The following ATIC variants were observed in gnomAD, a reference collection of about 807,000 sequenced individuals.
The protein encoded by ATIC is bifunctional purine biosynthesis protein ATIC.
A neutral mutation model predicts 72.5 loss-of-function variants in ATIC; 64 were observed. The observed-to-expected ratio is 0.88, with a 90% CI of 0.72 to 1.09. The LOEUF (loss-of-function observed/expected upper bound fraction) is 1.09. Ranked by LOEUF, ATIC falls within the 50% of genes least tolerant of loss-of-function variation. ATIC has a pLI of 0.00. For synonymous variants in ATIC, 281 were observed against 267.1 expected, an observed-to-expected ratio of 1.05 and a Z score of -0.51; for missense variants, 787 against 732.4, an observed-to-expected ratio of 1.07 and a Z score of -0.86.
Position 215,323,327 on chromosome 2 carries a change from C to G in ATIC, c.291-1914C>G, listed in dbSNP as rs1430457579. On this transcript the variant is annotated intron_variant, in intron 4 of 15. Transcript: ENST00000236959. ...CACATGATTTTTAGAATCAGCTTGT[C>G]CATTTCTGCAAAACAACGCAGTTGG... Among the ~76,000 whole-genome samples the G allele has an allele frequency of 2.0e-5, 3 of 152,112 alleles. No individual in the cohort carries two copies. In the East Asian group the frequency reaches 5.8e-4, roughly 29 times the overall value.
chr2:215,361,490 A>G, the ATIC span: 3 of 1,154,972 alleles, frequency 2.6e-6, no homozygotes, highest in Non-Finnish European at 3.9e-6. Context: ...GTCTGCTAAC[A>G]TCACTCCAGT....
chr2:215,352,582 AAG>A (rs2053138571), downstream of ATIC, among the ~76,000 whole-genome samples: 1 of 94,074 alleles, frequency 1.1e-5, no homozygotes, highest in South Asian at 2.8e-4. Flanking sequence ...ACTCCATCTC[AAG>A]AAAAAAAAAA....
chr2:215,333,674 TATTTA>T (rs1226758235), intron 9 of ATIC, among the ~76,000 whole-genome samples: 2 of 152,220 alleles, frequency 1.3e-5, no homozygotes, highest in East Asian at 3.8e-4. Context: ...TAGGATTTCC[TATTTA>T]ATTTGTTTTA....
At chr2:215,347,341 G>T in intron 14 of ATIC, 1 of 366,680 alleles carries the variant, frequency 2.7e-6, no homozygotes, top group Non-Finnish European at 5.3e-6. Flanking sequence ...ATTGCCTGAC[G>T]GCAGGTAACC....
At chr2:215,322,791 T>C (rs1039533190) in intron 4 of ATIC, among the ~76,000 whole-genome samples, 1 of 152,192 alleles carries the variant, frequency 6.6e-6, no homozygotes, top group Non-Finnish European at 1.5e-5. Flanking sequence ...GAAAAGACTG[T>C]TCTTTGCCCA....
At chr2:215,368,161 C>G in the ATIC span, 18 of 981,544 alleles carry the variant, frequency 1.8e-5, no homozygotes, top group African/African-American at 2.6e-4. Context: ...AGGCATTCAT[C>G]TGTTCTATCA....
rs987747093 is a variant in ATIC at position 215,328,534 on chromosome 2, CT to C, written c.688+1558del. On this transcript the variant is annotated intron_variant, in intron 7 of 15. Coordinates refer to ENST00000236959, the MANE Select transcript of ATIC (RefSeq NM_004044.7). ...CTCCTTGTCCCCTTCACCCAGAATT[CT>C]TCCCTCTGCCCTTCACCGTCCTGGT... 2.0e-4 allele frequency among the ~76,000 whole-genome samples: 30 copies of C among 152,210 alleles called. No individual in the cohort carries two copies. In the South Asian group the frequency reaches 4.8e-3, roughly 24 times the overall value.
Position 215,349,659 on chromosome 2 carries a change from T to C in ATIC, c.*4T>C. The C allele has an allele frequency of 6.2e-7, 1 of 1,614,210 alleles. No homozygotes were observed. Among genetic ancestry groups the C allele is most frequent in the Non-Finnish European group, 8.5e-7 (1 of 1,180,038 alleles). On this transcript the variant is annotated 3_prime_UTR_variant, in exon 16 of 16. Coordinates refer to ENST00000236959, the MANE Select transcript of ATIC (RefSeq NM_004044.7). ...CCTTCGGCTCTTCCACCACTGATTT[T>C]ACCACACACTGTTTTTTGGCTTGCT...
At chr2:215,338,733 A>G in intron 11 of ATIC, 46 bp from the exon 12 acceptor site, 1 of 1,584,378 alleles carries the variant, frequency 6.3e-7, no homozygotes, top group African/African-American at 1.4e-5. Context: ...GAAAAATTTG[A>G]GGGAAGTGGA....
chr2:215,358,031 A>G, the ATIC span, among the ~76,000 whole-genome samples: 1 of 152,196 alleles, frequency 6.6e-6, no homozygotes, highest in Non-Finnish European at 1.5e-5. Flanking sequence ...TAGAAATGGA[A>G]TAGAAGTTTC....
chr2:215,326,992 G>A lies in ATIC; in HGVS notation c.688+14G>A, dbSNP rs745956557. On this transcript the variant is annotated intron_variant, in intron 7 of 15. Transcript: ENST00000236959. ...TTCCCATCACAGGTAAAGCCCGAGC[G>A]TTCTGTGGCATGGTTTGCTGTGCCT... is the stretch of plus-strand genomic sequence containing the variant. 15 of 1,614,132 alleles carry A rather than the reference G, an allele frequency of 9.3e-6. No individual in the cohort carries two copies. Among genetic ancestry groups the A allele is most frequent in the South Asian group, 2.2e-5 (2 of 91,074 alleles).
At chr2:215,360,043 A>T in the ATIC span, among the ~76,000 whole-genome samples, 8 of 152,138 alleles carry the variant, frequency 5.3e-5, no homozygotes, top group African/African-American at 1.7e-4. Context: ...GGTTCAAGCC[A>T]TTCTCCTACC....
At chr2:215,361,811 CTT>C in the ATIC span, 17 of 611,820 alleles carry the variant, frequency 2.8e-5, no homozygotes, top group African/African-American at 2.2e-4. Context: ...TAAATTATAA[CTT>C]AAACTATATT....
chr2:215,333,210 A>T (rs2052914948), intron 8 of ATIC, 140 bp from the exon 9 acceptor site: 2 of 728,494 alleles, frequency 2.7e-6, no homozygotes, highest in Non-Finnish European at 4.9e-6. Context: ...TATCTGGCTA[A>T]ATAGATTTCT....
At chr2:215,358,905 C>G in the ATIC span, among the ~76,000 whole-genome samples, 1 of 152,176 alleles carries the variant, frequency 6.6e-6, no homozygotes. Context: ...ATTTTTGAGA[C>G]GAAGTCTCAC....
chr2:215,366,518 A>G, the ATIC span, among the ~76,000 whole-genome samples: 1 of 152,236 alleles, frequency 6.6e-6, no homozygotes, highest in Admixed American at 6.5e-5. Flanking sequence ...ACATCAAATA[A>G]GTCTGGTTCT....
chr2:215,314,521 A>G (rs1394244617), intron 2 of ATIC, among the ~76,000 whole-genome samples: 1 of 151,610 alleles, frequency 6.6e-6, no homozygotes, highest in Non-Finnish European at 1.5e-5. Context: ...TCTCTGAGAT[A>G]GAGTTTCACT....
chr2:215,333,479 G>C (rs1253620081), intron 9 of ATIC, 22 bp downstream of exon 9: 1 of 1,592,754 alleles, frequency 6.3e-7, no homozygotes, highest in Non-Finnish European at 8.6e-7. Context: ...AGGGCTTTTT[G>C]ATTTGGGGGA....
chr2:215,323,533 A>G (rs1575115736), intron 4 of ATIC, among the ~76,000 whole-genome samples: 1 of 152,126 alleles, frequency 6.6e-6, no homozygotes, highest in African/African-American at 2.4e-5. Flanking sequence ...TTTTAATACA[A>G]TTGATTTTTA....
Sources: gnomAD v4.1 joint callset for allele counts (sites outside exome capture counted in the v4.1 genomes callset) on GRCh38, gnomAD v4.1.1 for gene constraint, MANE v1.5 for transcripts, NCBI Gene and HGNC (gene_info 2026-07-23, HGNC 2026-07-21) for gene names.